RRBP1: variants seen among roughly 807,000 people sequenced by gnomAD.
RRBP1 encodes the protein ribosome binding protein 1, also known as ribosome-binding protein 1.
Under a neutral mutation model 165.2 loss-of-function variants are expected in RRBP1, and 94 were observed. The ratio of observed to expected loss-of-function variants is 0.57; its 90% CI spans 0.48 to 0.68. The LOEUF (loss-of-function observed/expected upper bound fraction) is 0.68. Ranked by LOEUF, RRBP1 falls within the 30% of genes least tolerant of loss-of-function variation. RRBP1 has a pLI of 0.00. For synonymous variants in RRBP1, 680 were observed against 714.5 expected (o/e 0.95, Z 0.77); for missense variants, 1,676 against 1,763.0 (o/e 0.95, Z 0.88).
chr20:17,666,622 T>G (rs1160339817), intron 2 of RRBP1, among the ~76,000 whole-genome samples: 1 of 152,236 alleles, frequency 6.6e-6, no homozygotes, highest in Non-Finnish European at 1.5e-5. Flanking sequence ...GTTTCTTGCT[T>G]TCCAAACCAT....
intron 8 of RRBP1, among the ~76,000 whole-genome samples, chr20:17,632,606 C>T (rs924614750): frequency 5.3e-5 from 8 of 152,090 alleles, no homozygotes; most frequent in African/African-American, 1.7e-4. Flanking sequence ...AGCACTAATG[C>T]CCCCACGCAC....
intron 4 of RRBP1, 25 bp downstream of exon 4, chr20:17,642,954 A>AT (rs757504931): frequency 6.2e-7 from 1 of 1,610,020 alleles, no homozygotes; most frequent in East Asian, 2.2e-5. Context: ...GCCTCTGAGC[A>AT]TGGCCAGCAG....
intron 13 of RRBP1, among the ~76,000 whole-genome samples, chr20:17,623,558 C>G (rs1286280121): frequency 6.6e-6 from 1 of 152,230 alleles, no homozygotes; most frequent in East Asian, 1.9e-4. Context: ...CCCACCTGGA[C>G]AGCATGGAGC....
Position 17,619,626 on chromosome 20 carries a change from G to C in RRBP1, c.3675+7C>G. ...CAGGGGCTGCACTCCTTGGGGGGCA[G>C]ACTCACCCCTGCCACCTCCTTGGCG... On this transcript the variant is annotated splice_region_variant and intron_variant, in intron 19 of 24. Transcript: ENST00000377813. 1 of 1,606,382 alleles carries C rather than the reference G, an allele frequency of 6.2e-7. No individual in the cohort carries two copies. The highest frequency in any genetic ancestry group is 1.1e-5 in the South Asian group (1 of 90,210).
chr20:17,623,049 C>T (rs2035946283), intron 13 of RRBP1: 1 of 152,222 alleles, frequency 6.6e-6, no homozygotes, highest in African/African-American at 2.4e-5. Context: ...ACGACCACCA[C>T]TGAGGCCTCT....
intron 2 of RRBP1, among the ~76,000 whole-genome samples, chr20:17,674,668 G>C (rs1326024666): frequency 6.6e-6 from 1 of 152,042 alleles, no homozygotes; most frequent in Admixed American, 6.5e-5. Flanking sequence ...GGTGAGGCAG[G>C]AGAATGGCAT....
chr20:17,615,066 G>A (rs1016608044), intron 23 of RRBP1, among the ~76,000 whole-genome samples, 186 bp from the exon 24 acceptor site: 1 of 152,176 alleles, frequency 6.6e-6, no homozygotes, highest in African/African-American at 2.4e-5. Context: ...GTGAGGGCTG[G>A]GTCCTGTGCT....
chr20:17,614,991 G>A (rs2035769680), intron 23 of RRBP1, 111 bp from the exon 24 acceptor site: 1 of 1,216,942 alleles, frequency 8.2e-7, no homozygotes, highest in South Asian at 1.4e-5. Flanking sequence ...GGGACACAAG[G>A]AAGGCAACTC....
intron 2 of RRBP1, among the ~76,000 whole-genome samples, chr20:17,669,447 G>A (rs1489580192): frequency 6.6e-6 from 1 of 152,190 alleles, no homozygotes; most frequent in Non-Finnish European, 1.5e-5. Context: ...AGCCCACAAG[G>A]GAGTTCTTAC....
intron 21 of RRBP1, among the ~76,000 whole-genome samples, chr20:17,616,370 G>A (rs1030892443): frequency 6.6e-5 from 10 of 152,202 alleles, no homozygotes; most frequent in Non-Finnish European, 2.9e-5. Flanking sequence ...AAACTCTGGA[G>A]AGCGAATATC....
At chr20:17,671,697 C>A (rs542769985) in intron 2 of RRBP1, among the ~76,000 whole-genome samples, 6 of 152,188 alleles carry the variant, frequency 3.9e-5, no homozygotes, top group Non-Finnish European at 8.8e-5. Context: ...TTAATCTCTG[C>A]CCCCTGCGCC....
intron 7 of RRBP1, among the ~76,000 whole-genome samples, chr20:17,633,817 A>G (rs896241990): frequency 6.6e-6 from 1 of 152,256 alleles, no homozygotes; most frequent in African/African-American, 2.4e-5. Context: ...TATATAGTGC[A>G]TGAACCAGAG....
At chr20:17,673,884 A>G (rs1405080192) in intron 2 of RRBP1, among the ~76,000 whole-genome samples, 1 of 152,202 alleles carries the variant, frequency 6.6e-6, no homozygotes, top group Non-Finnish European at 1.5e-5. Context: ...AAGAGTCTCA[A>G]TAATTCATTT....
At chr20:17,661,430 G>A (rs1438742718) in intron 2 of RRBP1, among the ~76,000 whole-genome samples, 1 of 152,150 alleles carries the variant, frequency 6.6e-6, no homozygotes, top group Non-Finnish European at 1.5e-5. Flanking sequence ...AGTGTCAGCA[G>A]GCCCCTCTGT....
intron 4 of RRBP1, 149 bp downstream of exon 4, chr20:17,642,830 C>G: frequency 1.2e-6 from 1 of 867,370 alleles, no homozygotes; most frequent in Non-Finnish European, 1.7e-6. Context: ...AAAGCACCTG[C>G]GAGCGATCCC....
intron 6 of RRBP1, among the ~76,000 whole-genome samples, chr20:17,636,062 G>A (rs1032297731): frequency 1.4e-4 from 21 of 152,366 alleles, no homozygotes; most frequent in Non-Finnish European, 2.6e-4. Context: ...AGCACGTCCT[G>A]AGACATGCAG....
chr20:17,625,498 C>A lies in RRBP1; in HGVS notation c.3054+14G>T, dbSNP rs374842133. On this transcript the variant is annotated intron_variant, in intron 12 of 24. Transcript: ENST00000377813. ...CCTGGCCCGTCCGTCCCCGCCTGTG[C>A]CTGCCGCACTCACATTGTTCTTCAC... 9.9e-6 allele frequency: 16 copies of A among 1,611,992 alleles called. No individual in the cohort carries two copies. The Admixed American group carries it at 2.0e-4, about 20-fold the overall frequency.
rs868116967 is a variant in RRBP1, at chr20:17,658,980, G to T, written c.1528C>A (p.Gln510Lys). The change falls in exon 3 of 25, where the codon CAA (glutamine) becomes AAA (lysine). Residue 510 changes from glutamine (Q) to lysine (K), a missense_variant. This residue lies in a region of RRBP1 where 1,184 missense variants were observed against 1,167.1 expected (regional missense o/e 1.01). Transcript: ENST00000377813. ...TGATTCTGGGCTCCCTCTCCTTTTT[G>T]GCCCTGGTTCTGGGCTCCCTCGGCC... ...KKAEGAQNQGQKGEGAQNQGK... is the reference protein window; with the variant it reads ...KKAEGAQNQGKKGEGAQNQGK... 1.2e-5 allele frequency: 20 copies of T among 1,610,070 alleles called. No individual in the cohort carries two copies. The African/African-American group carries it at 2.3e-4, about 18-fold the overall frequency.
At chr20:17,623,971 T>C (rs1164520395) in intron 13 of RRBP1, among the ~76,000 whole-genome samples, 1 of 150,242 alleles carries the variant, frequency 6.7e-6, no homozygotes, top group Non-Finnish European at 1.5e-5. Flanking sequence ...CCCTGGGCCA[T>C]GACTTCAGAG....
Sources: allele counts gnomAD v4.1 joint callset (sites outside exome capture counted in the v4.1 genomes callset), GRCh38; gene constraint gnomAD v4.1.1; regional missense constraint gnomAD v4.1.1; transcripts MANE v1.5; gene names NCBI Gene and HGNC (gene_info 2026-07-23, HGNC 2026-07-21).